MACF1: variants seen among roughly 807,000 people sequenced by gnomAD.
The protein encoded by MACF1 is microtubule-actin cross-linking factor 1.
Under a neutral mutation model 854.8 loss-of-function variants are expected in MACF1, and 193 were observed. The observed-to-expected ratio is 0.23, with a 90% CI of 0.20 to 0.25. The LOEUF (loss-of-function observed/expected upper bound fraction) is 0.25, where lower values mean the gene tolerates loss of function less well. MACF1 is among the 10% of genes least tolerant of loss of function. The probability of loss-of-function intolerance (pLI) is 1.00; values close to 1 mark genes in which losing one functional copy is unlikely to be tolerated. For synonymous variants in MACF1, 3,185 were observed against 3,226.7 expected (o/e 0.99, Z 0.44); for missense variants, 7,722 against 8,929.1 (o/e 0.86, Z 5.45).
At position 39,283,944 on chromosome 1, in the gene MACF1, G is replaced by C; in HGVS notation, c.916-122G>C. The stretch of plus-strand genomic sequence containing the variant: ...GCTAGTACTGTGAGCATTAAACTGA[G>C]CAGCATCTAGGCAATTAAAGGAAAT... On this transcript the variant is annotated intron_variant, in intron 9 of 100. Transcript: ENST00000564288. This position sits in a 1 kb window ranked among gnomAD's most constrained non-coding sequence, Gnocchi z 4.5. The C allele has an allele frequency of 9.2e-7, 1 of 1,081,656 alleles. No homozygotes were observed. Among genetic ancestry groups the C allele is most frequent in the South Asian group, 1.5e-5 (1 of 64,658 alleles). The allele number at this position is 1,081,656 out of a possible 1,614,324, so 67.0% of individuals were successfully genotyped here.
chr1:39,414,666 T>A, intron 58 of MACF1: 1 of 854,594 alleles, frequency 1.2e-6, no homozygotes, highest in Non-Finnish European at 1.8e-6. Flanking sequence ...GTGAAAGACT[T>A]TATAATTTCA....
At chr1:39,424,259 C>A in intron 61 of MACF1, 65 bp downstream of exon 61, 1 of 1,376,280 alleles carries the variant, frequency 7.3e-7, no homozygotes. Flanking sequence ...GACTTATTAT[C>A]ACTATAAGTT....
At chr1:39,324,463 T>G in intron 34 of MACF1, 118 bp downstream of exon 34, 5 of 1,287,322 alleles carry the variant, frequency 3.9e-6, no homozygotes, top group Non-Finnish European at 5.3e-6. Flanking sequence ...TGAGTAAATG[T>G]TAAAGAAACT....
chr1:39,116,408 GTGTGTGTGTGTA>G (rs1420071150), intron 2 of MACF1, among the ~76,000 whole-genome samples: 1 of 149,474 alleles, frequency 6.7e-6, no homozygotes, highest in Admixed American at 6.7e-5. Context: ...GTGTGTGCAC[GTGTGTGTGTGTA>G]TGTGTGTGTG....
At chr1:39,294,211 T>A (rs1396794461) in intron 18 of MACF1, among the ~76,000 whole-genome samples, 1 of 152,246 alleles carries the variant, frequency 6.6e-6, no homozygotes, top group East Asian at 1.9e-4. Context: ...TCTCTTCGTT[T>A]GTAAAAATGG....
chr1:39,288,477 G>A (rs1279329347), intron 15 of MACF1, among the ~76,000 whole-genome samples: 1 of 147,562 alleles, frequency 6.8e-6, no homozygotes, highest in African/African-American at 2.5e-5. Flanking sequence ...CAGCCTGGGA[G>A]ATAGAGTGAG....
At chr1:39,130,477 C>T (rs796657368) in intron 2 of MACF1, among the ~76,000 whole-genome samples, 3 of 152,140 alleles carry the variant, frequency 2.0e-5, no homozygotes, top group South Asian at 2.1e-4. Context: ...CAGATAAATC[C>T]TCCTACATGT....
At chr1:39,236,197 T>C (rs1644858060) in intron 2 of MACF1, among the ~76,000 whole-genome samples, 1 of 152,146 alleles carries the variant, frequency 6.6e-6, no homozygotes, top group Non-Finnish European at 1.5e-5. Context: ...AAGGCAGAAC[T>C]GAAATTTTAA....
At chr1:39,392,178 G>A (rs1034185062) in intron 58 of MACF1, among the ~76,000 whole-genome samples, 7 of 152,204 alleles carry the variant, frequency 4.6e-5, no homozygotes, top group Admixed American at 1.3e-4. Context: ...GTCAGGAGGG[G>A]AGGAGCATAT....
At chr1:39,271,055 G>A (rs946073028) in intron 6 of MACF1, among the ~76,000 whole-genome samples, 3 of 152,216 alleles carry the variant, frequency 2.0e-5, no homozygotes, top group African/African-American at 7.2e-5. Flanking sequence ...GTGGTGGGGA[G>A]TGTGATAGTT....
At chr1:39,418,502 A>G (rs991959791) in intron 58 of MACF1, among the ~76,000 whole-genome samples, 1 of 152,242 alleles carries the variant, frequency 6.6e-6, no homozygotes, top group Non-Finnish European at 1.5e-5. Flanking sequence ...GATCATTTAG[A>G]GATCTAGAAG....
intron 2 of MACF1, among the ~76,000 whole-genome samples, chr1:39,099,754 C>G (rs1311217433): frequency 1.3e-5 from 2 of 152,226 alleles, no homozygotes; most frequent in South Asian, 2.1e-4. Flanking sequence ...TGAACATCTA[C>G]TATGTGCAAA....
At chr1:39,360,549 A>T (rs116645733) in intron 47 of MACF1, among the ~76,000 whole-genome samples, 1 of 151,720 alleles carries the variant, frequency 6.6e-6, no homozygotes, top group Admixed American at 6.6e-5. Flanking sequence ...ACTATGTTCA[A>T]TGTAGGACTG....
Position 39,254,544 on chromosome 1 carries a change from C to T in MACF1, c.435+169C>T, listed in dbSNP as rs1571225915. The T allele has an allele frequency of 1.8e-5, 11 of 603,324 alleles. No homozygotes were observed. The East Asian group carries it at 2.8e-4, about 15-fold the overall frequency. 37.4% of individuals were successfully genotyped at this position (603,324 alleles called of 1,614,324 possible). Reference sequence around the variant, plus strand: ...GCAATTGTATTCTGGTTAGAGAAATCATTCAGTACTCACACAGAACTTGTG... The same window carrying T: ...GCAATTGTATTCTGGTTAGAGAAATTATTCAGTACTCACACAGAACTTGTG... On this transcript the variant is annotated intron_variant, in intron 5 of 100. Transcript: ENST00000564288.
intron 2 of MACF1, among the ~76,000 whole-genome samples, chr1:39,094,493 G>A (rs1265613340): frequency 4.6e-5 from 7 of 152,058 alleles, no homozygotes; most frequent in Middle Eastern, 3.4e-3. Context: ...AGGCCCAGGC[G>A]GGCAGATCAC....
intron 15 of MACF1, among the ~76,000 whole-genome samples, chr1:39,291,660 C>T (rs577576911): frequency 2.0e-5 from 3 of 152,266 alleles, no homozygotes; most frequent in Admixed American, 6.5e-5. Flanking sequence ...TTGATTACTC[C>T]AGGAATGTAT....
Position 39,272,505 on chromosome 1 carries a change from T to G in MACF1, c.529-9703T>G, listed in dbSNP as rs1026258210. Reference sequence around the variant, plus strand: ...ACAGCTGGCAGTCCAATTGAGTTGTTTTTTGCTTGCTTTTTTGGTGGTGGT... The same window carrying G: ...ACAGCTGGCAGTCCAATTGAGTTGTGTTTTGCTTGCTTTTTTGGTGGTGGT... On this transcript the variant is annotated intron_variant, in intron 6 of 100. Coordinates refer to ENST00000564288, the MANE Select transcript of MACF1 (RefSeq NM_001394062.1). Among the ~76,000 whole-genome samples the G allele has an allele frequency of 4.6e-5, 7 of 152,292 alleles. No individual in the cohort carries two copies. In the South Asian group the frequency reaches 1.2e-3, roughly 27 times the overall value.
At chr1:39,183,892 CAT>C (rs772564673) in intron 2 of MACF1, among the ~76,000 whole-genome samples, 16 of 152,202 alleles carry the variant, frequency 1.1e-4, no homozygotes, top group South Asian at 2.1e-4. Context: ...CAAAGAATGA[CAT>C]GTGTGGAAGA....
In MACF1 at chr1:39,485,663, G is replaced by A. The variant is rs1263871195; in HGVS notation, c.22537G>A (p.Asp7513Asn). 5.0e-6 allele frequency: 8 copies of A among 1,613,976 alleles called. No individual in the cohort carries two copies. The highest frequency in any genetic ancestry group is 1.7e-5 in the Admixed American group (1 of 59,998). The change falls in exon 101 of 101, where the codon GAC becomes AAC. Residue 7513 changes from aspartate to asparagine, a missense_variant. Physicochemically the swap from Asp to Asn is conservative, Grantham distance 23 (BLOSUM62 1). Coordinates refer to ENST00000564288, the MANE Select transcript of MACF1 (RefSeq NM_001394062.1). ...DLLETQSACS[D>N]TSESSAAGGQ... The stretch of plus-strand genomic sequence containing the variant: ...CTTAGAGACGCAGTCTGCTTGTTCC[G>A]ACACTTCAGAAAGCAGCGCTGCAGG...
Sources: allele counts gnomAD v4.1 joint callset (sites outside exome capture counted in the v4.1 genomes callset), GRCh38; gene constraint gnomAD v4.1.1; non-coding constraint Gnocchi (gnomAD v3.1); transcripts MANE v1.5; gene names NCBI Gene and HGNC (gene_info 2026-07-23, HGNC 2026-07-21).